The following C4orf51 variants were observed in gnomAD, a reference collection of about 807,000 sequenced individuals.
C4orf51 encodes the protein chromosome 4 open reading frame 51, also known as uncharacterized protein C4orf51.
Under a neutral mutation model 25.2 loss-of-function variants are expected in C4orf51, and 25 were observed. The observed-to-expected ratio is 0.99, with a 90% confidence interval of 0.72 to 1.39. The LOEUF (loss-of-function observed/expected upper bound fraction) is 1.39, where lower values mean the gene tolerates loss of function less well. C4orf51 is among the 40% of genes most tolerant of loss of function. The pLI, the probability that C4orf51 is intolerant of heterozygous loss-of-function variation, is 0.00. For synonymous variants in C4orf51, 100 were observed against 84.5 expected, an observed-to-expected ratio of 1.18 and a Z score of -1.01; for missense variants, 252 against 239.6, an observed-to-expected ratio of 1.05 and a Z score of -0.34.
At chr4:145,697,498 T>C (rs1397467023) in intron 2 of C4orf51, among the ~76,000 whole-genome samples, 1 of 152,246 alleles carries the variant, frequency 6.6e-6, no homozygotes, top group African/African-American at 2.4e-5. Context: ...GTTTGTACTC[T>C]TTGACCAAAA....
rs1731686772 is a variant in C4orf51, at chr4:145,720,636, T to C, written c.308-6275T>C. Among the ~76,000 whole-genome samples the C allele has an allele frequency of 2.0e-5, 3 of 152,206 alleles. No individual in the cohort carries two copies. The South Asian group carries it at 6.2e-4, about 31-fold the overall frequency. On this transcript the variant is annotated intron_variant, in intron 2 of 5. Transcript: ENST00000438731. ...GCCTAGCAGAGACTGATTTTAGCAC[T>C]TCCTTCCTGGTACAAGGCCTTACAG...
chr4:145,686,015 C>T (rs374364695), intron 1 of C4orf51, among the ~76,000 whole-genome samples: 7 of 151,954 alleles, frequency 4.6e-5, no homozygotes, highest in African/African-American at 1.7e-4. Flanking sequence ...GTGAAAACAA[C>T]CCAAATATAC....
chr4:145,753,217 G>A (rs1450525019), intron 1 of C4orf51, among the ~76,000 whole-genome samples: 3 of 151,472 alleles, frequency 2.0e-5, no homozygotes, highest in Non-Finnish European at 4.4e-5. Context: ...GGGAAAAAGA[G>A]GACGATTGGT....
intron 2 of C4orf51, among the ~76,000 whole-genome samples, chr4:145,713,712 G>A (rs553694300): frequency 6.6e-6 from 1 of 152,182 alleles, no homozygotes; most frequent in Admixed American, 6.5e-5. Flanking sequence ...GCAGCAAGAG[G>A]GTTTGAGATG....
chr4:145,681,880 C>T (rs1290656358), intron 1 of C4orf51, among the ~76,000 whole-genome samples: 1 of 152,142 alleles, frequency 6.6e-6, no homozygotes, highest in Non-Finnish European at 1.5e-5. Context: ...AAAACTATTG[C>T]ATTGGGGATT....
At chr4:145,705,087 A>G (rs1730712191) in intron 2 of C4orf51, among the ~76,000 whole-genome samples, 1 of 152,230 alleles carries the variant, frequency 6.6e-6, no homozygotes, top group Non-Finnish European at 1.5e-5. Context: ...AGAGGAGAGC[A>G]TGCACAGTGT....
At chr4:145,745,281 C>T (rs1436002711) in intron 1 of C4orf51, among the ~76,000 whole-genome samples, 1 of 151,062 alleles carries the variant, frequency 6.6e-6, no homozygotes, top group African/African-American at 2.4e-5. Flanking sequence ...GACTATAAGA[C>T]ACACTGTTGT....
intron 1 of C4orf51, among the ~76,000 whole-genome samples, chr4:145,747,455 G>T (rs1375528890): frequency 6.6e-6 from 1 of 151,398 alleles, no homozygotes; most frequent in African/African-American, 2.4e-5. Context: ...TAATCAAAAT[G>T]ATCATATGGT....
At chr4:145,680,732 G>A (rs575101505) in intron 1 of C4orf51, among the ~76,000 whole-genome samples, 9 of 152,238 alleles carry the variant, frequency 5.9e-5, no homozygotes, top group African/African-American at 1.9e-4. Context: ...GCAAAAAGGT[G>A]CTCCTGAGAA....
chr4:145,788,247 G>A, the C4orf51 span, among the ~76,000 whole-genome samples: 7 of 152,104 alleles, frequency 4.6e-5, no homozygotes, highest in Non-Finnish European at 1.0e-4. Flanking sequence ...TCTATATCTG[G>A]TTCTTTATGC....
chr4:145,696,854 G>A (rs1405032124), intron 2 of C4orf51, among the ~76,000 whole-genome samples: 2 of 152,046 alleles, frequency 1.3e-5, no homozygotes, highest in Admixed American at 6.6e-5. Context: ...CCAACATGGT[G>A]AAACCCATCT....
In C4orf51 at chr4:145,761,865, C is replaced by A. The variant is rs1383562210; in HGVS notation, n.167-9123C>A. Among the ~76,000 whole-genome samples, 1 of 152,186 alleles carries A rather than the reference C, an allele frequency of 6.6e-6. No homozygotes were observed. Among genetic ancestry groups the A allele is most frequent in the Non-Finnish European group, 1.5e-5 (1 of 68,034 alleles). On this transcript the variant is annotated intron_variant and non_coding_transcript_variant, in intron 1 of 1. Transcript: ENST00000510096. The surrounding 1 kb of genome is among the most constrained non-coding windows in gnomAD (Gnocchi z 6.8). The stretch of plus-strand genomic sequence containing the variant: ...CTTGGCCGATACAGGCAAGGCCAGC[C>A]CTCACCAAGGGGAGCAGAGAAAGTG...
chr4:145,724,667 A>G (rs1215686429), intron 2 of C4orf51, among the ~76,000 whole-genome samples: 1 of 152,142 alleles, frequency 6.6e-6, no homozygotes, highest in Admixed American at 6.6e-5. Flanking sequence ...GGACTGCTTG[A>G]GCTCGGGAGT....
At chr4:145,750,144 A>G (rs1025531654) in intron 1 of C4orf51, among the ~76,000 whole-genome samples, 14 of 152,154 alleles carry the variant, frequency 9.2e-5, no homozygotes, top group African/African-American at 3.4e-4. Flanking sequence ...TCTATTTAAT[A>G]TGAGAATAGT....
chr4:145,760,422 A>G (rs1734323093), intron 1 of C4orf51: 1 of 153,554 alleles, frequency 6.5e-6, no homozygotes, highest in Admixed American at 6.5e-5. Flanking sequence ...GCTGATTGCT[A>G]TTAAGGACAC....
rs1000881472 is a variant in C4orf51 at position 145,680,225 on chromosome 4, A to C, written c.22A>C (p.Thr8Pro). 9 of 1,613,254 alleles carry C rather than the reference A, an allele frequency of 5.6e-6. No homozygotes were observed. The highest frequency in any genetic ancestry group is 7.6e-6 in the Non-Finnish European group (9 of 1,179,548). The change falls in exon 1 of 6, where the codon ACT becomes CCT. Residue 8 changes from threonine (T) to proline (P), a missense_variant. Coordinates refer to ENST00000438731, the MANE Select transcript of C4orf51 (RefSeq NM_001080531.3). Reference sequence around the variant, plus strand: ...AGTTATGTCACACTACTTCTACTTGACTCCACAAATTCTTCTGCCCTTTAG... The same window carrying C: ...AGTTATGTCACACTACTTCTACTTGCCTCCACAAATTCTTCTGCCCTTTAG... MSHYFYL[T>P]PQILLPFSPL...
intron 2 of C4orf51, among the ~76,000 whole-genome samples, chr4:145,713,527 A>T (rs1289010749): frequency 6.6e-6 from 1 of 152,236 alleles, no homozygotes; most frequent in Non-Finnish European, 1.5e-5. Flanking sequence ...GAGCCTAAGG[A>T]TGTAACTGAA....
chr4:145,694,935 T>C (rs776069332), intron 1 of C4orf51, among the ~76,000 whole-genome samples: 3 of 152,142 alleles, frequency 2.0e-5, no homozygotes, highest in Non-Finnish European at 4.4e-5. Flanking sequence ...TTATGACAAA[T>C]TAGAGAACAA....
At chr4:145,788,101 A>C in the C4orf51 span, among the ~76,000 whole-genome samples, 1 of 152,220 alleles carries the variant, frequency 6.6e-6, no homozygotes, top group Admixed American at 6.5e-5. Flanking sequence ...ATATGAAATC[A>C]ATGCTAACTG....
Sources: allele counts gnomAD v4.1 joint callset (sites outside exome capture counted in the v4.1 genomes callset), GRCh38; gene constraint gnomAD v4.1.1; non-coding constraint Gnocchi (gnomAD v3.1); transcripts MANE v1.5; gene names NCBI Gene and HGNC (gene_info 2026-07-23, HGNC 2026-07-21).